The following UBE2Q2 variants were observed in gnomAD, a reference collection of about 807,000 sequenced individuals.
The protein encoded by UBE2Q2 is ubiquitin-conjugating enzyme E2 Q2.
Under a neutral mutation model 59.9 loss-of-function variants are expected in UBE2Q2, and 54 were observed. The observed-to-expected ratio is 0.90, with a 90% CI of 0.72 to 1.13. The LOEUF is 1.13. Among genes scored for constraint, UBE2Q2 ranks in the 50% most tolerant of loss-of-function variants. The pLI, the probability that UBE2Q2 is intolerant of heterozygous loss-of-function variation, is 0.00. For synonymous variants in UBE2Q2, 165 were observed against 155.2 expected (o/e 1.06, Z -0.47); for missense variants, 433 against 441.9 (o/e 0.98, Z 0.18).
chr15:75,892,421 G>A (rs1249855552), intron 11 of UBE2Q2, among the ~76,000 whole-genome samples: 4 of 152,012 alleles, frequency 2.6e-5, no homozygotes, highest in African/African-American at 9.7e-5. Flanking sequence ...ACAGACTTCA[G>A]ATATTAGAAT....
At chr15:75,861,505 T>A (rs1224754975) in intron 3 of UBE2Q2, among the ~76,000 whole-genome samples, 2 of 152,224 alleles carry the variant, frequency 1.3e-5, no homozygotes, top group African/African-American at 4.8e-5. Context: ...GATAGGCTCT[T>A]TCAAATTTGG....
At chr15:75,851,135 C>CT (rs1177827175) in intron 1 of UBE2Q2, among the ~76,000 whole-genome samples, 4,237 of 140,450 alleles carry the variant, frequency 0.03, 202 homozygotes, top group African/African-American at 0.096. Context: ...GGATATTCTT[C>CT]TTTTTTTTTT....
chr15:75,855,445 C>A (rs960760244), intron 2 of UBE2Q2, among the ~76,000 whole-genome samples: 1 of 150,654 alleles, frequency 6.6e-6, no homozygotes, highest in African/African-American at 2.4e-5. Flanking sequence ...GAGCCGAGAT[C>A]ACGCTATTAT....
At chr15:75,895,603 C>CT (rs1899370250) in intron 11 of UBE2Q2, among the ~76,000 whole-genome samples, 1 of 151,828 alleles carries the variant, frequency 6.6e-6, no homozygotes, top group Non-Finnish European at 1.5e-5. Context: ...TATAAAAAGT[C>CT]TGTTTACAGA....
At position 75,868,989 on chromosome 15, in the gene UBE2Q2, A is replaced by G. The variant is rs1396048385; in HGVS notation, c.426A>G (p.Glu142=). Residue 142 remains glutamate (E), a synonymous_variant, in exon 4 of 13, where the codon GAA becomes GAG. Transcript: ENST00000267938. The part of the protein sequence containing the change: ...TTEEVTSEEE[E]EEEEMAEDIE... ...AAGAAGTGACTTCAGAAGAAGAGGA[A>G]GAAGAAGAAGAGATGGCTGAAGTAG... The G allele has an allele frequency of 7.5e-6, 12 of 1,608,052 alleles. No individual in the cohort carries two copies. Among genetic ancestry groups the G allele is most frequent in the East Asian group, 2.2e-5 (1 of 44,580 alleles).
chr15:75,881,915 AT>A (rs1170557327), intron 8 of UBE2Q2, among the ~76,000 whole-genome samples: 6 of 152,202 alleles, frequency 3.9e-5, no homozygotes, highest in Admixed American at 3.9e-4. Flanking sequence ...CATTTAGAGA[AT>A]AATAGCCAGG....
At chr15:75,886,533 GA>G (rs1295549050) in intron 9 of UBE2Q2, among the ~76,000 whole-genome samples, 2 of 151,556 alleles carry the variant, frequency 1.3e-5, no homozygotes, top group East Asian at 1.9e-4. Flanking sequence ...TTATTTGAGA[GA>G]AAAAAAAGAT....
chr15:75,854,039 C>G (rs1896775450), intron 1 of UBE2Q2, among the ~76,000 whole-genome samples: 1 of 152,158 alleles, frequency 6.6e-6, no homozygotes, highest in African/African-American at 2.4e-5. Flanking sequence ...GATGTTATTA[C>G]TTTTGCTGTA....
chr15:75,853,703 C>T (rs1896756810), intron 1 of UBE2Q2, among the ~76,000 whole-genome samples: 1 of 152,010 alleles, frequency 6.6e-6, no homozygotes, highest in African/African-American at 2.4e-5. Flanking sequence ...TGCAATTTAC[C>T]TTGGGTTCAC....
chr15:75,883,452 A>C, intron 9 of UBE2Q2, 28 bp downstream of exon 9: 1 of 1,591,216 alleles, frequency 6.3e-7, no homozygotes, highest in Non-Finnish European at 8.6e-7. Context: ...CTTAAAAAGA[A>C]ATTTTTTTCA....
At chr15:75,844,716 A>C (rs1157501466) in intron 1 of UBE2Q2, 8 of 394,664 alleles carry the variant, frequency 2.0e-5, no homozygotes, top group Non-Finnish European at 4.6e-6. Context: ...TCGTGAAGCT[A>C]TTCGTCGTGA....
At position 75,896,430 on chromosome 15, in the gene UBE2Q2, T is replaced by G. The variant is rs112782760; in HGVS notation, c.1030-565T>G. Among the ~76,000 whole-genome samples the G allele has an allele frequency of 6.3e-3, 961 of 152,310 alleles. 13 individuals are homozygous for G. The highest frequency in any genetic ancestry group is 0.022 in the African/African-American group (915 of 41,552). On this transcript the variant is annotated intron_variant, in intron 11 of 12. Coordinates refer to ENST00000267938, the MANE Select transcript of UBE2Q2 (RefSeq NM_173469.4). ...AGCGAAGATATAGGTTGGTTGTACT[T>G]ATGGTGACAAAATTAATCCTAGATT...
intron 8 of UBE2Q2, among the ~76,000 whole-genome samples, chr15:75,879,685 A>G (rs985125967): frequency 6.6e-6 from 1 of 152,212 alleles, no homozygotes; most frequent in Non-Finnish European, 1.5e-5. Context: ...TGCCCTCCAA[A>G]GGGCCACAGA....
chr15:75,879,317 T>G, intron 8 of UBE2Q2, 129 bp downstream of exon 8: 1 of 536,110 alleles, frequency 1.9e-6, no homozygotes, highest in South Asian at 3.2e-5. Context: ...CGTAGACATA[T>G]TCTCCGTTAA....
At chr15:75,859,838 T>C in intron 2 of UBE2Q2, 40 bp from the exon 3 acceptor site, 3 of 1,449,318 alleles carry the variant, frequency 2.1e-6, no homozygotes, top group Non-Finnish European at 2.8e-6. Flanking sequence ...TTCTAAGGGC[T>C]CTTTAACATA....
chr15:75,895,247 G>C (rs1899340369), intron 11 of UBE2Q2: 1 of 151,874 alleles, frequency 6.6e-6, no homozygotes, highest in African/African-American at 2.4e-5. Context: ...GCAATGGTAC[G>C]ATCTCGGGCT....
intron 4 of UBE2Q2, among the ~76,000 whole-genome samples, chr15:75,872,533 C>CTTTTT (rs374099581): frequency 6.1e-5 from 7 of 114,764 alleles, no homozygotes; most frequent in African/African-American, 9.8e-5. Flanking sequence ...TTTTCTTTTC[C>CTTTTT]TTTTTTTTTT....
At chr15:75,858,486 C>T (rs865893651) in intron 2 of UBE2Q2, among the ~76,000 whole-genome samples, 1 of 152,136 alleles carries the variant, frequency 6.6e-6, no homozygotes. Context: ...CCCCGCCCCC[C>T]GCAAACTAGT....
intron 3 of UBE2Q2, 111 bp downstream of exon 3, chr15:75,860,093 T>G: frequency 1.3e-6 from 1 of 782,358 alleles, no homozygotes; most frequent in Non-Finnish European, 2.1e-6. Flanking sequence ...GTTAGTTTCA[T>G]TTTTGTTCCT....
Sources: gnomAD v4.1 joint callset for allele counts (sites outside exome capture counted in the v4.1 genomes callset) on GRCh38, gnomAD v4.1.1 for gene constraint, MANE v1.5 for transcripts, NCBI Gene and HGNC (gene_info 2026-07-23, HGNC 2026-07-21) for gene names.